RPS6KC1: variants seen among roughly 807,000 people sequenced by gnomAD.
RPS6KC1 encodes the protein inactive ribosomal protein S6 kinase delta-1.
RPS6KC1 carries 54 observed loss-of-function variants against 103.8 expected under a neutral mutation model. The observed-to-expected ratio is 0.52, with a 90% CI of 0.42 to 0.65. The LOEUF (loss-of-function observed/expected upper bound fraction) is 0.65, where lower values mean the gene tolerates loss of function less well. Ranked by LOEUF, RPS6KC1 falls within the 30% of genes least tolerant of loss-of-function variation. The pLI, the probability that RPS6KC1 is intolerant of heterozygous loss-of-function variation, is 0.00. For synonymous variants in RPS6KC1, 439 were observed against 438.7 expected (o/e 1.00, Z -0.01); for missense variants, 1,151 against 1,253.8 (o/e 0.92, Z 1.24).
At chr1:213,294,963 A>G in the RPS6KC1 span, among the ~76,000 whole-genome samples, 3 of 152,178 alleles carry the variant, frequency 2.0e-5, no homozygotes, top group Non-Finnish European at 4.4e-5. Flanking sequence ...GAAGGAGAAG[A>G]AAGAGACAAT....
chr1:213,530,032 TTTATTATTA>T, the RPS6KC1 span, among the ~76,000 whole-genome samples: 97,942 of 149,052 alleles, frequency 0.66, 33,832 homozygotes, highest in East Asian at 0.97. Context: ...CTTCACTTCT[TTTATTATTA>T]TTATTATTAT....
At chr1:213,485,288 G>A in the RPS6KC1 span, among the ~76,000 whole-genome samples, 1 of 152,216 alleles carries the variant, frequency 6.6e-6, no homozygotes, top group African/African-American at 2.4e-5. Flanking sequence ...TGAGGAAGTT[G>A]TGGGATTTAT....
chr1:213,527,028 G>A, the RPS6KC1 span, among the ~76,000 whole-genome samples: 3 of 152,180 alleles, frequency 2.0e-5, no homozygotes, highest in Non-Finnish European at 2.9e-5. Flanking sequence ...GTCAGAAAGG[G>A]ATGCCTTGGG....
At chr1:213,811,319 G>A in the RPS6KC1 span, among the ~76,000 whole-genome samples, 26 of 152,222 alleles carry the variant, frequency 1.7e-4, no homozygotes, top group Non-Finnish European at 3.1e-4. Context: ...CGCAACCTCC[G>A]TGCTTCTCAC....
chr1:213,215,681 C>T (rs185478536), intron 8 of RPS6KC1, among the ~76,000 whole-genome samples: 17 of 152,302 alleles, frequency 1.1e-4, no homozygotes, highest in East Asian at 3.9e-4. Context: ...GCTGATCTCT[C>T]GGCAGAAATT....
intron 7 of RPS6KC1, among the ~76,000 whole-genome samples, chr1:213,168,856 T>C (rs2091232346): frequency 6.6e-6 from 1 of 152,116 alleles, no homozygotes; most frequent in South Asian, 2.1e-4. Flanking sequence ...TCTCCTGACC[T>C]CATGATCTGC....
chr1:213,213,768 C>A (rs1040372193), intron 8 of RPS6KC1, among the ~76,000 whole-genome samples: 1 of 152,028 alleles, frequency 6.6e-6, no homozygotes, highest in Admixed American at 6.5e-5. Flanking sequence ...TGCTTATTTT[C>A]TTTTTCTAAT....
chr1:213,389,674 T>G, the RPS6KC1 span, among the ~76,000 whole-genome samples: 1 of 152,310 alleles, frequency 6.6e-6, no homozygotes, highest in East Asian at 1.9e-4. Flanking sequence ...CGTGGCTCCC[T>G]TCCCTTTCTT....
chr1:213,563,137 T>C, the RPS6KC1 span, among the ~76,000 whole-genome samples: 1 of 152,238 alleles, frequency 6.6e-6, no homozygotes, highest in African/African-American at 2.4e-5. Context: ...TTGTTTCATA[T>C]ATTTCAGAGT....
At chr1:213,539,347 C>T in the RPS6KC1 span, among the ~76,000 whole-genome samples, 48 of 152,262 alleles carry the variant, frequency 3.2e-4, no homozygotes, top group African/African-American at 9.6e-4. Context: ...AGAAGCTCCC[C>T]GTCAATTAGG....
chr1:213,137,389 A>G (rs2086406068), intron 6 of RPS6KC1, among the ~76,000 whole-genome samples: 1 of 151,624 alleles, frequency 6.6e-6, no homozygotes, highest in African/African-American at 2.4e-5. Flanking sequence ...GCTGGAGTGC[A>G]ATGGCGCAAT....
intron 6 of RPS6KC1, among the ~76,000 whole-genome samples, chr1:213,137,374 C>T (rs953325470): frequency 5.9e-5 from 9 of 151,744 alleles, no homozygotes; most frequent in African/African-American, 4.8e-5. Context: ...ACTCTTGTTG[C>T]CTAGGCTGGA....
At chr1:213,135,537 TTC>T (rs1316061881) in intron 6 of RPS6KC1, among the ~76,000 whole-genome samples, 1 of 152,212 alleles carries the variant, frequency 6.6e-6, no homozygotes, top group Non-Finnish European at 1.5e-5. Flanking sequence ...CCACAGCTTT[TTC>T]TGTTTTAAAA....
rs200446126 is a variant in RPS6KC1, at chr1:213,240,792, C to A, written c.1316C>A (p.Ala439Glu). 30 of 1,613,852 alleles carry A rather than the reference C, an allele frequency of 1.9e-5. No individual in the cohort carries two copies. In the East Asian group the frequency reaches 6.7e-4, roughly 36 times the overall value. ...DIKEVKKPTL[A>E]KVHLQQPTSS... ...AAGGAAGTGAAAAAACCTACACTTG[C>A]AAAAGTTCACCTGCAGCAGCCAACT... Residue 439 changes from alanine (A) to glutamate (E), a missense_variant, in exon 11 of 15, where the codon GCA (alanine) becomes GAA (glutamate). Ala to Glu is a moderately radical substitution (Grantham distance 107). Coordinates refer to ENST00000366960, the MANE Select transcript of RPS6KC1 (RefSeq NM_012424.6).
chr1:213,351,619 T>C, the RPS6KC1 span, among the ~76,000 whole-genome samples: 1 of 152,200 alleles, frequency 6.6e-6, no homozygotes, highest in African/African-American at 2.4e-5. Flanking sequence ...CACGTGGTCA[T>C]GAATGTGTAT....
the RPS6KC1 span, among the ~76,000 whole-genome samples, chr1:213,296,872 A>T: frequency 6.6e-6 from 1 of 152,144 alleles, no homozygotes; most frequent in African/African-American, 2.4e-5. Context: ...AGTTTTTTTT[A>T]AAGGTGCTTA....
intron 1 of RPS6KC1, among the ~76,000 whole-genome samples, chr1:213,057,314 G>A (rs1025801538): frequency 6.6e-6 from 1 of 152,138 alleles, no homozygotes; most frequent in Non-Finnish European, 1.5e-5. Flanking sequence ...TTCAGGGTAG[G>A]CTGGAAGGAG....
chr1:213,740,603 A>C, the RPS6KC1 span, among the ~76,000 whole-genome samples: 2 of 151,788 alleles, frequency 1.3e-5, no homozygotes, highest in East Asian at 3.9e-4. Flanking sequence ...GGACAGCCTC[A>C]TATATATACA....
chr1:213,292,684 T>A, the RPS6KC1 span, among the ~76,000 whole-genome samples: 5 of 152,204 alleles, frequency 3.3e-5, no homozygotes, highest in Non-Finnish European at 7.3e-5. Context: ...TTACCACTTA[T>A]GATAGACAGT....
Sources: allele counts gnomAD v4.1 joint callset (sites outside exome capture counted in the v4.1 genomes callset), GRCh38; gene constraint gnomAD v4.1.1; transcripts MANE v1.5; gene names NCBI Gene and HGNC (gene_info 2026-07-23, HGNC 2026-07-21).